The following CLUH variants were observed in gnomAD, a reference collection of about 807,000 sequenced individuals.
CLUH encodes CLUH binding protein of NUMT mRNA.
CLUH carries 77 observed loss-of-function variants against 139.3 expected under a neutral mutation model. That is an observed-to-expected ratio of 0.55 (90% CI 0.46 to 0.67). The LOEUF is 0.67. CLUH is among the 30% of genes least tolerant of loss of function. The pLI, the probability that CLUH is intolerant of heterozygous loss-of-function variation, is 0.00. For missense variants in CLUH, 1,876 were observed against 1,875.8 expected (o/e 1.00, Z 0.00); for synonymous variants, 999 against 801.6 (o/e 1.25, Z -4.16).
chr17:2,691,625 G>T lies in CLUH; in HGVS notation c.3847C>A (p.Leu1283Ile). The T allele has an allele frequency of 6.2e-7, 1 of 1,612,764 alleles. No homozygotes were observed. Among genetic ancestry groups the T allele is most frequent in the Non-Finnish European group, 8.5e-7 (1 of 1,179,418 alleles). The change falls in exon 25 of 26, where the codon CTC becomes ATC. Residue 1283 changes from leucine (L) to isoleucine (I), a missense_variant. Leu to Ile is a conservative substitution (Grantham distance 5). Transcript: ENST00000651024. ...LEQLNVINGI[L>I]FIPLSQKDLE... is the part of the protein sequence containing the mutation. ...AGGCCTCACCTGAGAGGAATGAAGA[G>T]GATGCCGTTAATGACGTTCAGCTGC...
At chr17:2,693,150 A>AAAAAAAAAAAAAAAAAAAAAC (rs2069782138) in intron 19 of CLUH, among the ~76,000 whole-genome samples, 1 of 150,626 alleles carries the variant, frequency 6.6e-6, no homozygotes, top group East Asian at 1.9e-4. Context: ...ACAAAAAAAA[A>AAAAAAAAAAAAAAAAAAAAAC]AAAAAAGCCT....
intron 16 of CLUH, 31 bp downstream of exon 16, chr17:2,694,826 A>ACCCCCCCCCCCCC: frequency 1.3e-6 from 1 of 796,174 alleles, no homozygotes; most frequent in Non-Finnish European, 1.8e-6. Flanking sequence ...GCCCAATCCC[A>ACCCCCCCCCCCCC]CCCACCCCAC....
At chr17:2,694,394 G>A (rs1211301441) in intron 17 of CLUH, 86 bp downstream of exon 17, 11 of 1,525,350 alleles carry the variant, frequency 7.2e-6, no homozygotes, top group African/African-American at 4.1e-5. Flanking sequence ...CTTCCCCTGT[G>A]GCCCTGGCCA....
At chr17:2,696,093 CG>C in intron 13 of CLUH, 65 bp downstream of exon 13, 1 of 1,309,844 alleles carries the variant, frequency 7.6e-7, no homozygotes, top group Non-Finnish European at 1.1e-6. Context: ...GCCTCCAAGT[CG>C]GAGACAGATG....
Position 2,694,471 on chromosome 17 carries a change from C to G in CLUH, c.2937+9G>C. The G allele has an allele frequency of 6.4e-7, 1 of 1,569,896 alleles. No homozygotes were observed. The highest frequency in any genetic ancestry group is 1.2e-5 in the South Asian group (1 of 85,248). ...GGGACACAGCGGGGATGCTGTGAGC[C>G]ATGCCCACCTGGATCCCTGTTTTCA... On this transcript the variant is annotated intron_variant, in intron 17 of 25. Coordinates refer to ENST00000651024, the MANE Select transcript of CLUH (RefSeq NM_001366661.1).
At position 2,690,659 on chromosome 17, in the gene CLUH, C is replaced by T. The variant is rs959037279; in HGVS notation, c.3982G>A (p.Ala1328Thr). ...PMATEPAPAG[A>T]PGDLGSQPPA... ...GGCTGGGAGCCCAGGTCTCCTGGGGCCCCCGCTGGCGCGGGCTCGGTAGCC... is the reference window on the plus strand; with the variant it reads ...GGCTGGGAGCCCAGGTCTCCTGGGGTCCCCGCTGGCGCGGGCTCGGTAGCC... The change falls in exon 26 of 26, where the codon GCC (alanine) becomes ACC (threonine). Residue 1328 changes from alanine (A) to threonine (T), a missense_variant. Ala to Thr is a moderately conservative substitution (Grantham distance 58). Around this residue, in one of 3 missense-constraint regions of CLUH, gnomAD observed 1,454 missense variants for 1,384.4 expected, o/e 1.05. Coordinates refer to ENST00000651024, the MANE Select transcript of CLUH (RefSeq NM_001366661.1). 9 of 1,541,882 alleles carry T rather than the reference C, an allele frequency of 5.8e-6. No homozygotes were observed. In the East Asian group the frequency reaches 7.5e-5, roughly 13 times the overall value.
At chr17:2,696,409 G>C in intron 12 of CLUH, 25 bp downstream of exon 12, 1 of 1,558,068 alleles carries the variant, frequency 6.4e-7, no homozygotes, top group Non-Finnish European at 8.7e-7. Flanking sequence ...GAGGGCTCCT[G>C]CGCTGGCCGG....
intron 1 of CLUH, chr17:2,708,035 G>C: frequency 1.0e-6 from 1 of 981,840 alleles, no homozygotes; most frequent in Non-Finnish European, 1.2e-6. Context: ...TCCCAGGGGA[G>C]AACAGAGCTG....
At position 2,707,340 on chromosome 17, in the gene CLUH, C is replaced by T. The variant is rs1280705563; in HGVS notation, c.101-2776G>A. 4.1e-6 allele frequency: 4 copies of T among 985,278 alleles called. No individual in the cohort carries two copies. The highest frequency in any genetic ancestry group is 4.7e-5 in the South Asian group (1 of 21,290). 61.0% of individuals were successfully genotyped at this position (985,278 alleles called of 1,614,324 possible). A position where few individuals can be genotyped will look rare whatever the true frequency, so the allele number is the denominator to read the frequency against. On this transcript the variant is annotated intron_variant, in intron 1 of 25. Transcript: ENST00000651024. The surrounding 1 kb of genome is among the most constrained non-coding windows in gnomAD (Gnocchi z 7.4). ...GCCAGTCGGCCCGGGGCTGGAGCTCCGGCTGGCTTCGGGTTTCAGTGGGGC... is the reference window on the plus strand; with the variant it reads ...GCCAGTCGGCCCGGGGCTGGAGCTCTGGCTGGCTTCGGGTTTCAGTGGGGC...
In CLUH at chr17:2,708,692, G is replaced by C. The variant is rs190225009; in HGVS notation, c.100+2870C>G. Among the ~76,000 whole-genome samples, 613 of 150,994 alleles carry C rather than the reference G, an allele frequency of 4.1e-3. 1 individual carries two copies. Among genetic ancestry groups the C allele is most frequent in the Middle Eastern group, 6.9e-3 (2 of 288 alleles). Reference sequence around the variant, plus strand: ...CTTTTGAGTCACTCCCACTGAGCGCGGGCTACCCACCCGCTCCCACCGACC... The same window carrying C: ...CTTTTGAGTCACTCCCACTGAGCGCCGGCTACCCACCCGCTCCCACCGACC... On this transcript the variant is annotated intron_variant, in intron 1 of 25. Transcript: ENST00000651024.
intron 17 of CLUH, 55 bp downstream of exon 17, chr17:2,694,425 G>A: frequency 1.1e-6 from 1 of 929,834 alleles, no homozygotes; most frequent in African/African-American, 1.5e-5. Context: ...CCTGCAGCAG[G>A]GACGCAGCGG....
At position 2,697,895 on chromosome 17, in the gene CLUH, C is replaced by G; in HGVS notation, c.1961+1G>C. On this transcript the variant is annotated splice_donor_variant, in intron 10 of 25. Transcript: ENST00000651024. LOFTEE classifies it high-confidence loss of function. ...CCTGGTCCGGCAGGGCCGCCCCTCACCTGTGCTCCACGAAGGCGTCCACCA... is the reference window on the plus strand; with the variant it reads ...CCTGGTCCGGCAGGGCCGCCCCTCAGCTGTGCTCCACGAAGGCGTCCACCA... 6.7e-7 allele frequency: 1 copy of G among 1,496,082 alleles called. No homozygotes were observed. The highest frequency in any genetic ancestry group is 8.9e-7 in the Non-Finnish European group (1 of 1,122,692). 92.7% of individuals were successfully genotyped at this position (1,496,082 alleles called of 1,614,324 possible).
chr17:2,694,725 C>T, intron 16 of CLUH, 132 bp downstream of exon 16: 1 of 1,374,590 alleles, frequency 7.3e-7, no homozygotes, highest in Non-Finnish European at 9.7e-7. Flanking sequence ...ACCCAGTGAT[C>T]TCCACAGCTG....
At chr17:2,699,214 A>G (rs1446639185) in intron 9 of CLUH, among the ~76,000 whole-genome samples, 1 of 152,208 alleles carries the variant, frequency 6.6e-6, no homozygotes, top group Non-Finnish European at 1.5e-5. Context: ...GTTGTCCAAT[A>G]TATTATAGGA....
rs376237798 is a variant in CLUH at position 2,704,346 on chromosome 17, C to T, written c.303+16G>A. Reference sequence around the variant, plus strand: ...AGGCTCAGGCCTGGCCCCCAGCACCCGTTCCTCCATCTTACCTGCAGGGAG... The same window carrying T: ...AGGCTCAGGCCTGGCCCCCAGCACCTGTTCCTCCATCTTACCTGCAGGGAG... On this transcript the variant is annotated intron_variant, in intron 2 of 25. Transcript: ENST00000651024. The surrounding 1 kb of genome is among the most constrained non-coding windows in gnomAD (Gnocchi z 5.7). The T allele has an allele frequency of 8.7e-6, 14 of 1,605,086 alleles. No homozygotes were observed. The highest frequency in any genetic ancestry group is 4.5e-5 in the East Asian group (2 of 44,278).
Position 2,701,128 on chromosome 17 carries a change from C to A in CLUH, c.1025+12G>T. 6.2e-7 allele frequency: 1 copy of A among 1,613,766 alleles called. No individual in the cohort carries two copies. The highest frequency in any genetic ancestry group is 8.5e-7 in the Non-Finnish European group (1 of 1,179,856). On this transcript the variant is annotated intron_variant, in intron 7 of 25. Transcript: ENST00000651024. ...TGCCATGAGACAAGGCGGGAGGGGACAAAGGCACTACCTTTTCTTCTGCAG... is the reference window on the plus strand; with the variant it reads ...TGCCATGAGACAAGGCGGGAGGGGAAAAAGGCACTACCTTTTCTTCTGCAG...
In CLUH at chr17:2,698,131, C is replaced by T. The variant is rs369972919; in HGVS notation, c.1726G>A (p.Asp576Asn). The T allele has an allele frequency of 5.7e-6, 9 of 1,589,676 alleles. 1 individual carries two copies. The highest frequency in any genetic ancestry group is 2.7e-5 in the African/African-American group (2 of 74,532). The change falls in exon 10 of 26, where the codon GAC becomes AAC. Residue 576 changes from aspartate to asparagine, a missense_variant. This residue lies in a region of CLUH where 1,454 missense variants were observed against 1,384.4 expected (regional missense o/e 1.05). Coordinates refer to ENST00000651024, the MANE Select transcript of CLUH (RefSeq NM_001366661.1). ...CAGAGCTCCACCTCCTCGTCACGGT[C>T]GTTGAGCACCTGGTGCCGCAGGATC... The part of the protein sequence containing the change: ...LKILRHQVLN[D>N]RDEEVELCSS...
At position 2,704,407 on chromosome 17, in the gene CLUH, A is replaced by G. The variant is rs1413728415; in HGVS notation, c.258T>C (p.Phe86=). The change falls in exon 2 of 26, where the codon TTT becomes TTC. Residue 86 remains phenylalanine (F), a synonymous_variant. Transcript: ENST00000651024. This position sits in a 1 kb window ranked among gnomAD's most constrained non-coding sequence, Gnocchi z 5.7. ...QEVIVIQDTG[F]SVKILAPGIE... ...TCCCAGGGGCGAGGATCTTCACAGA[A>G]AAGCCCGTGTCCTGAATGACAATGA... The G allele has an allele frequency of 8.1e-6, 13 of 1,611,710 alleles. No homozygotes were observed. In the East Asian group the frequency reaches 8.9e-5, roughly 11 times the overall value.
In CLUH at chr17:2,696,859, T is replaced by C; in HGVS notation, c.2045A>G (p.Asn682Ser). 2 of 1,613,396 alleles carry C rather than the reference T, an allele frequency of 1.2e-6. No individual in the cohort carries two copies. Among genetic ancestry groups the C allele is most frequent in the Non-Finnish European group, 1.7e-6 (2 of 1,179,842 alleles). The change falls in exon 11 of 26, where the codon AAT becomes AGT. Residue 682 changes from asparagine (N) to serine (S), a missense_variant. Physicochemically the swap from Asn to Ser is conservative, Grantham distance 46. This residue lies in a region of CLUH where 1,454 missense variants were observed against 1,384.4 expected (regional missense o/e 1.05). Coordinates refer to ENST00000651024, the MANE Select transcript of CLUH (RefSeq NM_001366661.1). Reference protein sequence around the residue: ...SQLETPSSLENGGPSSLESKS... With the variant: ...SQLETPSSLESGGPSSLESKS... ...GGACTCCAAGGAGGAAGGACCACCA[T>C]TTTCCAGGGAGGAGGGGGTCTCCAG...
Sources: gnomAD v4.1 joint callset for allele counts (sites outside exome capture counted in the v4.1 genomes callset) on GRCh38, gnomAD v4.1.1 for gene constraint, gnomAD v4.1.1 regional missense constraint, Gnocchi (gnomAD v3.1) non-coding constraint, MANE v1.5 for transcripts, NCBI Gene and HGNC (gene_info 2026-07-23, HGNC 2026-07-21) for gene names.